Variants in SORCS2 observed in about 807,000 individuals in gnomAD.
The protein encoded by SORCS2 is sortilin related VPS10 domain containing receptor 2.
A neutral mutation model predicts 141.6 loss-of-function variants in SORCS2; 100 were observed. That is an observed-to-expected ratio of 0.71 (90% CI 0.60 to 0.83). The LOEUF (loss-of-function observed/expected upper bound fraction) is 0.83, where lower values mean the gene tolerates loss of function less well. Ranked by LOEUF, SORCS2 falls within the 40% of genes least tolerant of loss-of-function variation. The probability of loss-of-function intolerance (pLI) is 0.00; values close to 1 mark genes in which losing one functional copy is unlikely to be tolerated. For missense variants in SORCS2, 1,646 were observed against 1,560.2 expected (o/e 1.05, Z -0.93); for synonymous variants, 789 against 676.9 (o/e 1.17, Z -2.57).
intron 2 of SORCS2, among the ~76,000 whole-genome samples, chr4:7,416,678 A>G (rs1577525099): frequency 6.6e-6 from 1 of 152,018 alleles, no homozygotes; most frequent in Non-Finnish European, 1.5e-5. Context: ...TTGTGTGCAC[A>G]CTCAGACACG....
chr4:7,241,741 G>A (rs959089649), intron 1 of SORCS2, among the ~76,000 whole-genome samples: 1 of 152,278 alleles, frequency 6.6e-6, no homozygotes, highest in African/African-American at 2.4e-5. Context: ...TTTCCGTTCC[G>A]ATTCTGGGTG....
rs1462863438 is a variant in SORCS2, at chr4:7,741,929, C to A, written c.*1665C>A. Reference sequence around the variant, plus strand: ...GCACCCGCTCCTTGTTGAGTAAAACCACCCATGGAGACTGGAACCTCATCT... The same window carrying A: ...GCACCCGCTCCTTGTTGAGTAAAACAACCCATGGAGACTGGAACCTCATCT... On this transcript the variant is annotated 3_prime_UTR_variant, in exon 27 of 27. Coordinates refer to ENST00000507866, the MANE Select transcript of SORCS2 (RefSeq NM_020777.3). The A allele has an allele frequency of 6.6e-6, 1 of 152,284 alleles. No individual in the cohort carries two copies. The highest frequency in any genetic ancestry group is 1.9e-4 in the East Asian group (1 of 5,178). The allele number at this position is 152,284 out of a possible 1,614,324, so 9.4% of individuals were successfully genotyped here.
At chr4:7,244,225 A>T (rs1712918550) in intron 1 of SORCS2, among the ~76,000 whole-genome samples, 1 of 152,192 alleles carries the variant, frequency 6.6e-6, no homozygotes, top group South Asian at 2.1e-4. Context: ...AGCTTGGCTA[A>T]ACCCCAGCAG....
intron 1 of SORCS2, among the ~76,000 whole-genome samples, chr4:7,327,285 C>T (rs1719326153): frequency 1.3e-5 from 2 of 152,218 alleles, no homozygotes; most frequent in South Asian, 4.1e-4. Context: ...TCCTCCTCAC[C>T]TGTCCCACCT....
intron 18 of SORCS2, among the ~76,000 whole-genome samples, chr4:7,719,129 C>T (rs1343087528): frequency 6.6e-6 from 1 of 152,204 alleles, no homozygotes; most frequent in Non-Finnish European, 1.5e-5. Context: ...GTGAACAGTA[C>T]GGGAGATGCA....
intron 11 of SORCS2, among the ~76,000 whole-genome samples, chr4:7,692,859 G>A (rs1299531280): frequency 6.6e-6 from 1 of 152,186 alleles, no homozygotes; most frequent in African/African-American, 2.4e-5. Flanking sequence ...TCTCGAGCTC[G>A]AGGAGATGCA....
chr4:7,411,078 C>G (rs901098053), intron 2 of SORCS2, among the ~76,000 whole-genome samples: 4 of 151,144 alleles, frequency 2.6e-5, no homozygotes, highest in Non-Finnish European at 5.9e-5. Context: ...ACCTCAGCCT[C>G]CCGAGTAGCT....
Position 7,741,384 on chromosome 4 carries a change from G to A in SORCS2, c.*1120G>A. 5.1e-6 allele frequency: 1 copy of A among 197,262 alleles called. No homozygotes were observed. Among genetic ancestry groups the A allele is most frequent in the Non-Finnish European group, 9.8e-6 (1 of 101,892 alleles). The allele number at this position is 197,262 out of a possible 1,614,324, so 12.2% of individuals were successfully genotyped here. A position where few individuals can be genotyped will look rare whatever the true frequency, so the allele number is the denominator to read the frequency against. Reference sequence around the variant, plus strand: ...GCCCTCTGCGCGCCAGTGCTGTGCGGTCTCCACACCCTTACGGTTTCCTAG... The same window carrying A: ...GCCCTCTGCGCGCCAGTGCTGTGCGATCTCCACACCCTTACGGTTTCCTAG... On this transcript the variant is annotated 3_prime_UTR_variant, in exon 27 of 27. Transcript: ENST00000507866.
At chr4:7,228,387 G>C (rs766614956) in intron 1 of SORCS2, among the ~76,000 whole-genome samples, 3 of 152,218 alleles carry the variant, frequency 2.0e-5, no homozygotes, top group Non-Finnish European at 4.4e-5. Context: ...ACATGTAACA[G>C]TCACCTGCAT....
intron 3 of SORCS2, among the ~76,000 whole-genome samples, chr4:7,555,129 C>T (rs1405963942): frequency 1.3e-5 from 2 of 152,182 alleles, no homozygotes; most frequent in Non-Finnish European, 2.9e-5. Context: ...CAGGCAACCT[C>T]CAAAGACCTC....
chr4:7,434,270 A>G, intron 2 of SORCS2: 2 of 1,613,298 alleles, frequency 1.2e-6, no homozygotes, highest in East Asian at 2.2e-5. Context: ...AAGTCGGCCA[A>G]GGTCAAGTTG....
At chr4:7,439,675 C>T (rs1317142615) in intron 2 of SORCS2, among the ~76,000 whole-genome samples, 1 of 152,176 alleles carries the variant, frequency 6.6e-6, no homozygotes, top group African/African-American at 2.4e-5. Flanking sequence ...TCCGTCCCTG[C>T]CTCTTTCGCT....
chr4:7,499,467 T>C (rs958024194), intron 2 of SORCS2, among the ~76,000 whole-genome samples: 4 of 151,954 alleles, frequency 2.6e-5, no homozygotes, highest in Non-Finnish European at 5.9e-5. Context: ...AGTGAGGAAG[T>C]GGGCCCAGAG....
intron 10 of SORCS2, among the ~76,000 whole-genome samples, chr4:7,683,715 T>C (rs1723706931): frequency 1.3e-5 from 2 of 152,206 alleles, no homozygotes; most frequent in African/African-American, 2.4e-5. Flanking sequence ...GCACTGCCAG[T>C]AAGTGATAGA....
chr4:7,381,922 C>G, intron 1 of SORCS2: 1 of 986,546 alleles, frequency 1.0e-6, no homozygotes, highest in Non-Finnish European at 1.2e-6. Flanking sequence ...GCAGAATGAC[C>G]AGGCACCAAG....
chr4:7,438,932 G>A (rs565000780), intron 2 of SORCS2, among the ~76,000 whole-genome samples: 1 of 152,104 alleles, frequency 6.6e-6, no homozygotes, highest in Non-Finnish European at 1.5e-5. Flanking sequence ...ATCTGTGGGA[G>A]TCCCCTCAGG....
intron 1 of SORCS2, among the ~76,000 whole-genome samples, chr4:7,208,138 C>G (rs988788646): frequency 6.6e-6 from 1 of 152,078 alleles, no homozygotes; most frequent in Non-Finnish European, 1.5e-5. Flanking sequence ...AGAAGACCAC[C>G]GAGGCGGCCC....
chr4:7,248,766 G>C (rs962026260), intron 1 of SORCS2, among the ~76,000 whole-genome samples: 7 of 152,330 alleles, frequency 4.6e-5, no homozygotes, highest in African/African-American at 1.7e-4. Flanking sequence ...AAAAATAACT[G>C]ATCACCTTAA....
intron 3 of SORCS2, among the ~76,000 whole-genome samples, chr4:7,546,424 C>A (rs540717244): frequency 1.3e-5 from 2 of 152,304 alleles, no homozygotes; most frequent in African/African-American, 4.8e-5. Context: ...CGCTGCCCCC[C>A]ACCTCCCTGC....
Sources: allele counts gnomAD v4.1 joint callset (sites outside exome capture counted in the v4.1 genomes callset), GRCh38; gene constraint gnomAD v4.1.1; transcripts MANE v1.5; gene names NCBI Gene and HGNC (gene_info 2026-07-23, HGNC 2026-07-21).